Variants in GRK1 observed in about 807,000 individuals in gnomAD.
The protein encoded by GRK1 is G protein-coupled receptor kinase 1.
Under a neutral mutation model 41.7 loss-of-function variants are expected in GRK1, and 28 were observed. The observed-to-expected ratio is 0.67, with a 90% confidence interval of 0.50 to 0.92. The LOEUF is 0.92. Among genes scored for constraint, GRK1 ranks in the 40% least tolerant of loss-of-function variants. GRK1 has a pLI of 0.00. For synonymous variants in GRK1, 327 were observed against 286.7 expected (o/e 1.14, Z -1.42); for missense variants, 703 against 671.2 (o/e 1.05, Z -0.52).
chr13:113,649,095 AATTAG>A, the GRK1 span: 2 of 286,228 alleles, frequency 7.0e-6, no homozygotes, highest in Admixed American at 9.5e-5. This position sits in a 1 kb window ranked among gnomAD's most constrained non-coding sequence, Gnocchi z 4.7. Context: ...TGACCTGGTT[AATTAG>A]AGAGTTGCTG....
At chr13:113,725,112 G>A (rs2049882661) in intron 4 of GRK1, among the ~76,000 whole-genome samples, 2 of 152,254 alleles carry the variant, frequency 1.3e-5, no homozygotes, top group Admixed American at 1.3e-4. Context: ...TGCAGGCTGG[G>A]AGGCCGGTGT....
Position 113,667,596 on chromosome 13 carries a change from GCT to G in GRK1, c.213_214del (p.Phe72SerfsTer24), listed in dbSNP as rs1331834112. On this transcript the variant is annotated frameshift_variant, in exon 1 of 7. Transcript: ENST00000335678. LOFTEE classifies it high-confidence loss of function. The surrounding 1 kb of genome is among the most constrained non-coding windows in gnomAD (Gnocchi z 7.5). ...GCTTGGAGCAGCCCATCGGCAAGAA[GCT>G]CTTTCAGCAGTTCCTACAATCGGCA... is the stretch of plus-strand genomic sequence containing the variant. The part of the protein sequence containing the change: ...VCLEQPIGKK[L>X]FQQFLQSAEK... The G allele has an allele frequency of 3.7e-5, 60 of 1,613,490 alleles. No individual in the cohort carries two copies. Among genetic ancestry groups the G allele is most frequent in the Non-Finnish European group, 5.0e-5 (59 of 1,179,900 alleles).
At chr13:113,656,265 C>T in the GRK1 span, among the ~76,000 whole-genome samples, 1 of 152,192 alleles carries the variant, frequency 6.6e-6, no homozygotes, top group African/African-American at 2.4e-5. Flanking sequence ...CCGCCTGTCC[C>T]CCGGGGACCT....
At chr13:113,659,820 C>T in the GRK1 span, among the ~76,000 whole-genome samples, 1 of 152,186 alleles carries the variant, frequency 6.6e-6, no homozygotes, top group African/African-American at 2.4e-5. Context: ...CAGGGTCTGG[C>T]AGTAAAGGCC....
chr13:113,734,322 G>T (rs2049986776), intron 6 of GRK1, among the ~76,000 whole-genome samples: 1 of 152,180 alleles, frequency 6.6e-6, no homozygotes, highest in African/African-American at 2.4e-5. Context: ...GGGAACCCAA[G>T]GGGGCTCCAA....
At chr13:113,649,545 G>A in the GRK1 span, 1 of 1,502,992 alleles carries the variant, frequency 6.7e-7, no homozygotes, top group Non-Finnish European at 8.9e-7. This position sits in a 1 kb window ranked among gnomAD's most constrained non-coding sequence, Gnocchi z 4.7. Flanking sequence ...GCTGAAGTGG[G>A]AGTGAGGAAA....
At chr13:113,652,962 C>G in the GRK1 span, 1 of 1,614,212 alleles carries the variant, frequency 6.2e-7, no homozygotes, top group South Asian at 1.1e-5. Flanking sequence ...AGCATATCTG[C>G]CGTGAACTTG....
intron 6 of GRK1, among the ~76,000 whole-genome samples, chr13:113,733,969 CGT>C (rs1315183203): frequency 5.5e-4 from 48 of 87,906 alleles, no homozygotes; most frequent in East Asian, 2.1e-3. Flanking sequence ...CGTGTGTGTG[CGT>C]GTGTGCGCAT....
chr13:113,733,715 A>ATGTGTGTATGTGTATGTGTGTG (rs1566699743), intron 6 of GRK1, among the ~76,000 whole-genome samples: 5 of 96,948 alleles, frequency 5.2e-5, no homozygotes, highest in Admixed American at 1.0e-4. Flanking sequence ...GTGTGTGCGC[A>ATGTGTGTATGTGTATGTGTGTG]CGTGTGTGTG....
intron 4 of GRK1, among the ~76,000 whole-genome samples, chr13:113,729,276 C>T (rs941978091): frequency 6.6e-6 from 1 of 152,218 alleles, no homozygotes; most frequent in Non-Finnish European, 1.5e-5. Flanking sequence ...GAGCGAGGCT[C>T]CAGGCTCCAT....
chr13:113,657,575 C>T, the GRK1 span, among the ~76,000 whole-genome samples: 32 of 152,340 alleles, frequency 2.1e-4, no homozygotes, highest in South Asian at 1.4e-3. Context: ...TGGTTTACTC[C>T]CCACCTCCGC....
At chr13:113,730,048 CG>C (rs1310812695) in intron 4 of GRK1, among the ~76,000 whole-genome samples, 8 of 150,006 alleles carry the variant, frequency 5.3e-5, no homozygotes, top group Admixed American at 1.3e-4. Context: ...CACCCAGACC[CG>C]TCCCTCCATC....
Position 113,735,542 on chromosome 13 carries a change from C to T in GRK1, c.*179C>T, listed in dbSNP as rs889312673. 2.8e-5 allele frequency: 17 copies of T among 610,326 alleles called. No individual in the cohort carries two copies. The highest frequency in any genetic ancestry group is 6.1e-5 in the East Asian group (2 of 32,842). 37.8% of individuals were successfully genotyped at this position (610,326 alleles called of 1,614,324 possible). A position where few individuals can be genotyped will look rare whatever the true frequency, so the allele number is the denominator to read the frequency against. ...GGAGAAAGCCCACATCGGCCTGAGC[C>T]GCCAGACGCACATGCTGGTGCCGTG... On this transcript the variant is annotated 3_prime_UTR_variant, in exon 7 of 7. Transcript: ENST00000335678.
chr13:113,653,387 C>T, the GRK1 span: 1 of 1,614,256 alleles, frequency 6.2e-7, no homozygotes, highest in Non-Finnish European at 8.5e-7. Flanking sequence ...ACGTTGTAGA[C>T]AATTTCCAGG....
the GRK1 span, among the ~76,000 whole-genome samples, chr13:113,648,623 ACTTGTT>A: frequency 6.6e-6 from 1 of 152,132 alleles, no homozygotes; most frequent in Non-Finnish European, 1.5e-5. Context: ...TGGAGGAGAG[ACTTGTT>A]CTTGGTGAAC....
upstream of GRK1, among the ~76,000 whole-genome samples, chr13:113,663,779 C>CAA (rs138560197): frequency 8.8e-3 from 1,346 of 152,304 alleles, 16 homozygotes; most frequent in African/African-American, 0.028. Flanking sequence ...AGGGCCAAAA[C>CAA]AAGACTGTGG....
At position 113,724,215 on chromosome 13, in the gene GRK1, C is replaced by T. The variant is rs554993692; in HGVS notation, c.1069+1058C>T. 2.0e-5 allele frequency among the ~76,000 whole-genome samples: 3 copies of T among 152,322 alleles called. No homozygotes were observed. In the East Asian group the frequency reaches 5.8e-4, roughly 29 times the overall value. The stretch of plus-strand genomic sequence containing the variant: ...CTGTGTGCTTTACTTAACCTCCGAG[C>T]CTCCTGCTAGCACTCGGTGCACAGG... On this transcript the variant is annotated intron_variant, in intron 4 of 6. Coordinates refer to ENST00000335678, the MANE Select transcript of GRK1 (RefSeq NM_002929.3).
intron 2 of GRK1, 89 bp downstream of exon 2, chr13:113,669,903 C>A: frequency 2.0e-6 from 3 of 1,508,244 alleles, no homozygotes; most frequent in South Asian, 1.2e-5. Context: ...ACAGGCAGAG[C>A]CATGGTGGCC....
the GRK1 span, among the ~76,000 whole-genome samples, chr13:113,660,462 A>C: frequency 6.6e-6 from 1 of 152,158 alleles, no homozygotes; most frequent in African/African-American, 2.4e-5. Flanking sequence ...TTGCTGCTGA[A>C]GTGGGGTCAG....
Sources: allele counts gnomAD v4.1 joint callset (sites outside exome capture counted in the v4.1 genomes callset), GRCh38; gene constraint gnomAD v4.1.1; non-coding constraint Gnocchi (gnomAD v3.1); transcripts MANE v1.5; gene names NCBI Gene and HGNC (gene_info 2026-07-23, HGNC 2026-07-21).